TTC29: variants seen among roughly 807,000 people sequenced by gnomAD.
TTC29 encodes the protein tetratricopeptide repeat protein 29.
In TTC29, 49 loss-of-function variants were observed where a neutral mutation model predicts 58.1. That is an observed-to-expected ratio of 0.84 (90% CI 0.67 to 1.07). The LOEUF is 1.07. TTC29 is among the 50% of genes least tolerant of loss of function. TTC29 has a pLI of 0.00. For synonymous variants in TTC29, 209 were observed against 196.8 expected, an observed-to-expected ratio of 1.06 and a Z score of -0.52; for missense variants, 582 against 555.6, an observed-to-expected ratio of 1.05 and a Z score of -0.48.
intron 8 of TTC29, among the ~76,000 whole-genome samples, chr4:146,836,025 C>T (rs1487694653): frequency 6.6e-6 from 1 of 152,106 alleles, no homozygotes; most frequent in Non-Finnish European, 1.5e-5. Flanking sequence ...AATAAGAATA[C>T]TTGGATTCAT....
At chr4:146,890,780 A>G (rs1485362510) in intron 6 of TTC29, among the ~76,000 whole-genome samples, 2 of 152,234 alleles carry the variant, frequency 1.3e-5, no homozygotes, top group Non-Finnish European at 2.9e-5. Flanking sequence ...GGTTTGCTCC[A>G]GAAGCCAGAA....
intron 4 of TTC29, among the ~76,000 whole-genome samples, chr4:146,929,724 G>C (rs1735179361): frequency 6.6e-6 from 1 of 151,986 alleles, no homozygotes; most frequent in African/African-American, 2.4e-5. Context: ...TCTTATGAAG[G>C]AACTGTCAAG....
intron 11 of TTC29, among the ~76,000 whole-genome samples, chr4:146,783,418 T>C (rs1748768967): frequency 6.6e-6 from 1 of 151,968 alleles, no homozygotes; most frequent in African/African-American, 2.4e-5. Flanking sequence ...AAAATACTTT[T>C]ACTTTGGGGG....
At chr4:146,886,527 T>A (rs1731994276) in intron 6 of TTC29, among the ~76,000 whole-genome samples, 1 of 152,128 alleles carries the variant, frequency 6.6e-6, no homozygotes, top group South Asian at 2.1e-4. Flanking sequence ...GGGATACTCA[T>A]TGAACACGAC....
chr4:146,726,465 T>G (rs1743792805), intron 11 of TTC29, among the ~76,000 whole-genome samples: 2 of 151,998 alleles, frequency 1.3e-5, no homozygotes, highest in Admixed American at 1.3e-4. Context: ...AAAAAAAATA[T>G]TTGACTCAGT....
chr4:146,884,059 G>T (rs1412140727), intron 6 of TTC29, among the ~76,000 whole-genome samples: 2 of 151,862 alleles, frequency 1.3e-5, no homozygotes, highest in Non-Finnish European at 2.9e-5. Flanking sequence ...ATTTTCTTGT[G>T]GCTATCAATA....
At chr4:146,733,740 A>G (rs1306870695) in intron 11 of TTC29, among the ~76,000 whole-genome samples, 3 of 152,166 alleles carry the variant, frequency 2.0e-5, no homozygotes, top group African/African-American at 7.2e-5. Context: ...TATGTTAATG[A>G]TTTTCAGATA....
At chr4:146,716,426 T>C (rs938226760) in intron 11 of TTC29, among the ~76,000 whole-genome samples, 1 of 152,142 alleles carries the variant, frequency 6.6e-6, no homozygotes, top group African/African-American at 2.4e-5. Context: ...TTTTTTGTAA[T>C]GCTTTATTGA....
intron 4 of TTC29, among the ~76,000 whole-genome samples, chr4:146,915,988 G>A (rs1579977179): frequency 1.3e-5 from 2 of 151,878 alleles, no homozygotes; most frequent in African/African-American, 4.8e-5. Context: ...TAAGTCACGA[G>A]TGGGTTATCC....
Position 146,904,728 on chromosome 4 carries a change from A to T in TTC29, c.401-999T>A, listed in dbSNP as rs183635632. Among the ~76,000 whole-genome samples, 14 of 152,258 alleles carry T rather than the reference A, an allele frequency of 9.2e-5. No individual in the cohort carries two copies. The South Asian group carries it at 2.9e-3, about 32-fold the overall frequency. ...TATCTATTAGAATTCACTGATATTA[A>T]TTGTTCACTACTACCAGAGGAGTCA... On this transcript the variant is annotated intron_variant, in intron 5 of 12. Transcript: ENST00000325106.
chr4:146,823,417 T>C (rs542467372), intron 9 of TTC29, among the ~76,000 whole-genome samples: 5 of 152,172 alleles, frequency 3.3e-5, no homozygotes, highest in South Asian at 2.1e-4. Flanking sequence ...TGATTGTAGA[T>C]GTGTGGTGTT....
intron 8 of TTC29, among the ~76,000 whole-genome samples, chr4:146,850,931 T>C (rs1729476397): frequency 6.6e-6 from 1 of 152,208 alleles, no homozygotes; most frequent in Non-Finnish European, 1.5e-5. Context: ...CGTTAAATCA[T>C]TTGCATTACA....
chr4:146,757,284 A>G (rs1358774137), intron 11 of TTC29, among the ~76,000 whole-genome samples: 1 of 152,012 alleles, frequency 6.6e-6, no homozygotes, highest in Non-Finnish European at 1.5e-5. Flanking sequence ...TGTGAGCCGA[A>G]CTGCAGTGAT....
At chr4:146,774,463 C>G (rs973371474) in intron 11 of TTC29, among the ~76,000 whole-genome samples, 14 of 152,130 alleles carry the variant, frequency 9.2e-5, no homozygotes, top group African/African-American at 3.1e-4. Flanking sequence ...TGATTTCTGC[C>G]TTAATTTCAT....
intron 11 of TTC29, among the ~76,000 whole-genome samples, chr4:146,731,239 G>A (rs917931240): frequency 6.6e-6 from 1 of 152,096 alleles, no homozygotes; most frequent in Non-Finnish European, 1.5e-5. Context: ...TGGTGAAATA[G>A]GAAGCAGGGT....
At chr4:146,870,036 A>T (rs897989110) in intron 7 of TTC29, among the ~76,000 whole-genome samples, 4 of 152,122 alleles carry the variant, frequency 2.6e-5, no homozygotes, top group African/African-American at 9.7e-5. Context: ...GGTAAGGTGT[A>T]TGCTGACAAA....
intron 4 of TTC29, among the ~76,000 whole-genome samples, chr4:146,928,147 G>A (rs1328186937): frequency 6.6e-6 from 1 of 152,088 alleles, no homozygotes; most frequent in Non-Finnish European, 1.5e-5. Flanking sequence ...AATACACTAA[G>A]AATGAGAGAT....
At position 146,754,067 on chromosome 4, in the gene TTC29, T is replaced by A. The variant is rs189885175; in HGVS notation, c.1331-46516A>T. On this transcript the variant is annotated intron_variant, in intron 11 of 12. Transcript: ENST00000325106. The stretch of plus-strand genomic sequence containing the variant: ...CTTAAAGTATAATAATACAAAAAAA[T>A]AAAATAAAATAAAAATAAAAAATAT... Among the ~76,000 whole-genome samples the A allele has an allele frequency of 7.1e-3, 1,074 of 151,132 alleles. 16 individuals carry two copies. The highest frequency in any genetic ancestry group is 0.025 in the African/African-American group (1,024 of 41,206).
At chr4:146,915,028 T>G (rs1418124887) in intron 4 of TTC29, among the ~76,000 whole-genome samples, 3 of 152,160 alleles carry the variant, frequency 2.0e-5, no homozygotes, top group Non-Finnish European at 4.4e-5. Flanking sequence ...TCAGGCACTG[T>G]GTAGACATCA....
Sources: gnomAD v4.1 joint callset for allele counts (sites outside exome capture counted in the v4.1 genomes callset) on GRCh38, gnomAD v4.1.1 for gene constraint, MANE v1.5 for transcripts, NCBI Gene and HGNC (gene_info 2026-07-23, HGNC 2026-07-21) for gene names.